Variants in RGS3 observed in about 807,000 individuals in gnomAD.
RGS3 encodes the protein regulator of G protein signaling 3, also known as regulator of G-protein signalling 3.
Under a neutral mutation model 132.6 loss-of-function variants are expected in RGS3, and 80 were observed. That is an observed-to-expected ratio of 0.60 (90% CI 0.50 to 0.73). The LOEUF is 0.73. RGS3 is among the 30% of genes least tolerant of loss of function. The pLI is 0.00. For missense variants in RGS3, 1,382 were observed against 1,530.8 expected, an observed-to-expected ratio of 0.90 and a Z score of 1.62; for synonymous variants, 598 against 620.6, an observed-to-expected ratio of 0.96 and a Z score of 0.54.
At chr9:113,539,682 G>A (rs1454287998) in intron 19 of RGS3, among the ~76,000 whole-genome samples, 1 of 152,172 alleles carries the variant, frequency 6.6e-6, no homozygotes, top group Non-Finnish European at 1.5e-5. Flanking sequence ...AAGGGGGTTT[G>A]TAAGGCAACT....
At chr9:113,594,838 ACAAAGG>A in intron 22 of RGS3, 75 bp from the exon 21 acceptor site, 1 of 1,418,476 alleles carries the variant, frequency 7.0e-7, no homozygotes, top group African/African-American at 1.4e-5. Flanking sequence ...AGGGCAGTAA[ACAAAGG>A]CCGCCTGGCC....
In RGS3 at chr9:113,471,636, C is replaced by T. The variant is rs1018439031; in HGVS notation, c.416-7855C>T. Reference sequence around the variant, plus strand: ...TTTTCTCCTCCCTCCCTGCCTCTTCCGTCCCTTCCTCCCCTCCCCGCTCTC... The same window carrying T: ...TTTTCTCCTCCCTCCCTGCCTCTTCTGTCCCTTCCTCCCCTCCCCGCTCTC... On this transcript the variant is annotated intron_variant, in intron 3 of 24. Transcript: ENST00000350696. 4.0e-5 allele frequency among the ~76,000 whole-genome samples: 6 copies of T among 151,866 alleles called. No individual in the cohort carries two copies. The South Asian group carries it at 6.3e-4, about 16-fold the overall frequency.
intron 19 of RGS3, chr9:113,582,053 C>T: frequency 5.1e-6 from 5 of 985,524 alleles, no homozygotes; most frequent in Non-Finnish European, 6.0e-6. Flanking sequence ...TTCACATCCG[C>T]TCACATCTGT....
At chr9:113,517,406 G>T in intron 15 of RGS3, 135 bp from the exon 14 acceptor site, 1 of 733,116 alleles carries the variant, frequency 1.4e-6, no homozygotes, top group South Asian at 1.4e-5. Context: ...TGGGTTCTCG[G>T]GTCGGTGGCG....
chr9:113,549,537 A>C lies in RGS3; in HGVS notation c.2037+12619A>C, dbSNP rs931751095. On this transcript the variant is annotated intron_variant, in intron 19 of 24. Coordinates refer to ENST00000350696, the Ensembl canonical transcript of RGS3. Reference sequence around the variant, plus strand: ...ATGTTTATTATGAAGAAAACATTTAATACAGATGAACCAGGAGAAGAAAAT... The same window carrying C: ...ATGTTTATTATGAAGAAAACATTTACTACAGATGAACCAGGAGAAGAAAAT... 3.3e-5 allele frequency among the ~76,000 whole-genome samples: 5 copies of C among 152,218 alleles called. No homozygotes were observed. The South Asian group carries it at 1.0e-3, about 32-fold the overall frequency.
intron 19 of RGS3, among the ~76,000 whole-genome samples, chr9:113,560,710 G>C (rs1323659943): frequency 1.3e-5 from 2 of 152,250 alleles, no homozygotes; most frequent in Non-Finnish European, 2.9e-5. Flanking sequence ...AACCAGGGCT[G>C]TGAGCCCCAG....
intron 18 of RGS3, among the ~76,000 whole-genome samples, chr9:113,532,959 G>C (rs1328485005): frequency 6.6e-6 from 1 of 152,232 alleles, no homozygotes; most frequent in Non-Finnish European, 1.5e-5. Context: ...TCTTGGTCCA[G>C]TCTGCAAGAG....
chr9:113,524,935 G>A (rs1285038542), intron 17 of RGS3, among the ~76,000 whole-genome samples: 1 of 152,206 alleles, frequency 6.6e-6, no homozygotes, highest in African/African-American at 2.4e-5. Context: ...GGTGGTGTGG[G>A]GCCTTGGGGT....
intron 7 of RGS3, among the ~76,000 whole-genome samples, chr9:113,491,201 ATTAT>A (rs936273820): frequency 1.1e-4 from 16 of 146,616 alleles, no homozygotes; most frequent in African/African-American, 3.5e-4. Context: ...ATATGTAAAC[ATTAT>A]TTATATATGT....
chr9:113,591,227 G>T lies in RGS3; in HGVS notation c.3016-106G>T. ...GTGTGCCGCGGGTGGGGGCTTTGGG[G>T]ATGGAAGGGGCTGGTGGCAGGGAAT... On this transcript the variant is annotated intron_variant, in intron 20 of 24. Coordinates refer to ENST00000350696, the Ensembl canonical transcript of RGS3. The surrounding 1 kb of genome is among the most constrained non-coding windows in gnomAD (Gnocchi z 4.4). The T allele has an allele frequency of 3.0e-6, 3 of 988,332 alleles. No homozygotes were observed. The South Asian group carries it at 4.3e-5, about 14-fold the overall frequency. 61.2% of individuals were successfully genotyped at this position (988,332 alleles called of 1,614,324 possible). A position where few individuals can be genotyped will look rare whatever the true frequency, so the allele number is the denominator to read the frequency against.
intron 17 of RGS3, among the ~76,000 whole-genome samples, chr9:113,523,964 GACA>G (rs1164203682): frequency 2.6e-5 from 4 of 152,206 alleles, no homozygotes; most frequent in African/African-American, 9.7e-5. Flanking sequence ...GGAAGCCACT[GACA>G]ACTTCTCCAT....
intron 3 of RGS3, among the ~76,000 whole-genome samples, chr9:113,464,088 G>A (rs1183145615): frequency 6.6e-6 from 1 of 152,218 alleles, no homozygotes; most frequent in African/African-American, 2.4e-5. Flanking sequence ...ACCACCTGCT[G>A]CCCGGCCATG....
intron 19 of RGS3, among the ~76,000 whole-genome samples, chr9:113,553,825 A>C (rs952681417): frequency 2.6e-5 from 4 of 152,084 alleles, no homozygotes; most frequent in Non-Finnish European, 5.9e-5. Flanking sequence ...CCTGGGCGAC[A>C]AGAGAGAAAC....
intron 15 of RGS3, among the ~76,000 whole-genome samples, chr9:113,515,805 T>C (rs1246492104): frequency 6.6e-6 from 1 of 152,260 alleles, no homozygotes; most frequent in African/African-American, 2.4e-5. Context: ...AGCATGAACC[T>C]TTCCCACACC....
At chr9:113,446,546 T>C (rs1829103461) in intron 1 of RGS3, among the ~76,000 whole-genome samples, 1 of 152,208 alleles carries the variant, frequency 6.6e-6, no homozygotes, top group Non-Finnish European at 1.5e-5. Context: ...AACGTCTTAA[T>C]GAGTAAATGA....
chr9:113,496,768 C>T (rs1830696928), intron 8 of RGS3, among the ~76,000 whole-genome samples: 1 of 152,102 alleles, frequency 6.6e-6, no homozygotes, highest in South Asian at 2.1e-4. Flanking sequence ...CCAGGCTGGT[C>T]TCAAACTCCT....
intron 16 of RGS3, chr9:113,522,712 G>A (rs1832012856): frequency 3.6e-6 from 2 of 561,310 alleles, no homozygotes; most frequent in South Asian, 2.1e-5. Context: ...TTGAGGAGTG[G>A]AAGTATAGGA....
At chr9:113,451,490 G>A (rs113161980) in intron 1 of RGS3, among the ~76,000 whole-genome samples, 6,103 of 152,300 alleles carry the variant, frequency 0.04, 165 homozygotes, top group South Asian at 0.1. Context: ...GTGCAATCCA[G>A]CTGATCTCAA....
intron 4 of RGS3, among the ~76,000 whole-genome samples, chr9:113,480,018 A>G (rs1227938288): frequency 6.6e-6 from 1 of 152,202 alleles, no homozygotes; most frequent in Non-Finnish European, 1.5e-5. Flanking sequence ...GTGGCCTTGA[A>G]CAAGCTCCGT....
Sources: gnomAD v4.1 joint callset for allele counts (sites outside exome capture counted in the v4.1 genomes callset) on GRCh38, gnomAD v4.1.1 for gene constraint, Gnocchi (gnomAD v3.1) non-coding constraint, MANE v1.5 for transcripts, NCBI Gene and HGNC (gene_info 2026-07-23, HGNC 2026-07-21) for gene names.